The following APLF variants were observed in gnomAD, a reference collection of about 807,000 sequenced individuals.
APLF encodes aprataxin and PNKP like factor, also known as aprataxin and PNK-like factor.
A neutral mutation model predicts 55.6 loss-of-function variants in APLF; 61 were observed. That is an observed-to-expected ratio of 1.10 (90% CI 0.89 to 1.36). APLF has a LOEUF of 1.36. APLF is among the 40% of genes most tolerant of loss of function. APLF has a pLI of 0.00. For missense variants in APLF, 611 were observed against 602.5 expected (o/e 1.01, Z -0.15); for synonymous variants, 207 against 214.8 (o/e 0.96, Z 0.32).
chr2:68,548,809 A>C (rs746666471), intron 8 of APLF, among the ~76,000 whole-genome samples: 1 of 151,298 alleles, frequency 6.6e-6, no homozygotes, highest in Non-Finnish European at 1.5e-5. Context: ...AATGTAGAAT[A>C]AGTTCTAGTG....
intron 8 of APLF, among the ~76,000 whole-genome samples, chr2:68,546,412 G>A (rs972439770): frequency 1.3e-5 from 2 of 151,876 alleles, no homozygotes; most frequent in African/African-American, 4.8e-5. Flanking sequence ...CCCAATTCAT[G>A]ATGTGAGACC....
intron 6 of APLF, among the ~76,000 whole-genome samples, chr2:68,535,779 C>T (rs1166936841): frequency 1.3e-5 from 2 of 151,842 alleles, no homozygotes; most frequent in South Asian, 2.1e-4. Context: ...GTATGAAAAG[C>T]GATTGCCATC....
In APLF at chr2:68,513,341, T is replaced by G. The variant is rs1010856259; in HGVS notation, c.489+114T>G. On this transcript the variant is annotated intron_variant, in intron 4 of 9. Coordinates refer to ENST00000303795, the MANE Select transcript of APLF (RefSeq NM_173545.3). ...ACAATATTGCCAGCATTTATCTACT[T>G]TTGCTGATTTTAAGTTAAGCTCTAG... The G allele has an allele frequency of 3.8e-6, 5 of 1,328,394 alleles. No homozygotes were observed. The African/African-American group carries it at 7.4e-5, about 20-fold the overall frequency. 82.3% of individuals were successfully genotyped at this position (1,328,394 alleles called of 1,614,324 possible).
chr2:68,516,049 A>G (rs1669569310), intron 5 of APLF, among the ~76,000 whole-genome samples: 1 of 151,730 alleles, frequency 6.6e-6, no homozygotes, highest in Non-Finnish European at 1.5e-5. Flanking sequence ...TTAGGACCAT[A>G]ACTGTGGTTA....
At chr2:68,510,046 C>T (rs1489169807) in intron 3 of APLF, among the ~76,000 whole-genome samples, 3 of 133,508 alleles carry the variant, frequency 2.2e-5, no homozygotes, top group Non-Finnish European at 4.6e-5. Flanking sequence ...GGAAGGGGAA[C>T]ATCACACACC....
intron 5 of APLF, among the ~76,000 whole-genome samples, chr2:68,518,324 T>C (rs1168649764): frequency 1.5e-4 from 17 of 113,112 alleles, no homozygotes; most frequent in Non-Finnish European, 2.1e-4. Context: ...TAATAATATA[T>C]AATATATTAA....
intron 9 of APLF, among the ~76,000 whole-genome samples, chr2:68,577,059 A>G (rs1671646281): frequency 6.6e-6 from 1 of 152,184 alleles, no homozygotes; most frequent in Non-Finnish European, 1.5e-5. Flanking sequence ...AAATCTGTAA[A>G]TTCTAATGTC....
intron 8 of APLF, among the ~76,000 whole-genome samples, chr2:68,545,750 C>T (rs1670686551): frequency 6.6e-6 from 1 of 152,186 alleles, no homozygotes; most frequent in African/African-American, 2.4e-5. Flanking sequence ...CTTCTCCTCT[C>T]AGTTTTCATG....
intron 8 of APLF, among the ~76,000 whole-genome samples, chr2:68,552,332 A>G (rs1249788078): frequency 6.6e-6 from 1 of 152,126 alleles, no homozygotes; most frequent in African/African-American, 2.4e-5. Flanking sequence ...ATTTGTTTCC[A>G]GATGGTCATG....
chr2:68,479,760 T>C (rs530553918), intron 1 of APLF, among the ~76,000 whole-genome samples: 1 of 152,346 alleles, frequency 6.6e-6, no homozygotes, highest in Admixed American at 6.5e-5. Context: ...TCATGTATTT[T>C]CATAAAGTTA....
chr2:68,506,697 T>A (rs1676880802), intron 3 of APLF, among the ~76,000 whole-genome samples: 1 of 152,098 alleles, frequency 6.6e-6, no homozygotes, highest in Non-Finnish European at 1.5e-5. Context: ...TTTCCAGAGT[T>A]GATGCTCTTA....
chr2:68,565,032 A>T (rs1280964594), intron 8 of APLF, among the ~76,000 whole-genome samples: 2 of 152,118 alleles, frequency 1.3e-5, no homozygotes, highest in African/African-American at 4.8e-5. Context: ...AGTGCTTAAC[A>T]GTCACATACA....
chr2:68,476,398 G>A (rs1181342396), intron 1 of APLF, among the ~76,000 whole-genome samples: 3 of 148,234 alleles, frequency 2.0e-5, no homozygotes, highest in South Asian at 2.1e-4. Flanking sequence ...CAGGAAAATC[G>A]TTTGAACCTG....
intron 9 of APLF, among the ~76,000 whole-genome samples, chr2:68,570,121 T>G (rs1210423372): frequency 1.3e-5 from 2 of 152,036 alleles, no homozygotes; most frequent in Non-Finnish European, 2.9e-5. Context: ...TGCATTCTGT[T>G]TCTTGTAGGT....
intron 1 of APLF, among the ~76,000 whole-genome samples, chr2:68,473,080 T>C (rs927679732): frequency 6.6e-6 from 1 of 152,216 alleles, no homozygotes; most frequent in Non-Finnish European, 1.5e-5. Context: ...GTACATCTTA[T>C]GGGTTTTGAC....
At chr2:68,552,787 A>G (rs1350037015) in intron 8 of APLF, among the ~76,000 whole-genome samples, 2 of 152,186 alleles carry the variant, frequency 1.3e-5, no homozygotes, top group Non-Finnish European at 2.9e-5. Context: ...TCCAAAACCA[A>G]TTAGCTTACA....
rs367762480 is a variant in APLF, at chr2:68,535,758, T to A, written c.805-2114T>A. 5.3e-5 allele frequency among the ~76,000 whole-genome samples: 8 copies of A among 152,122 alleles called. No homozygotes were observed. In the South Asian group the frequency reaches 1.0e-3, roughly 20 times the overall value. On this transcript the variant is annotated intron_variant, in intron 6 of 9. Coordinates refer to ENST00000303795, the MANE Select transcript of APLF (RefSeq NM_173545.3). ...AAGAAACAGCCCTTTCCCTTTATGG[T>A]TTATTGAAAGGTATGAAAAGCGATT...
At chr2:68,571,355 A>C (rs1410127684) in intron 9 of APLF, among the ~76,000 whole-genome samples, 2 of 152,030 alleles carry the variant, frequency 1.3e-5, no homozygotes, top group Non-Finnish European at 2.9e-5. Context: ...TGTTTTAGAC[A>C]TGAAGTCCTT....
At chr2:68,515,674 A>G in intron 5 of APLF, 3 of 983,156 alleles carry the variant, frequency 3.1e-6, no homozygotes, top group Non-Finnish European at 3.6e-6. Context: ...GGAATATCGC[A>G]TGTGTACAAT....
Sources: gnomAD v4.1 joint callset for allele counts (sites outside exome capture counted in the v4.1 genomes callset) on GRCh38, gnomAD v4.1.1 for gene constraint, MANE v1.5 for transcripts, NCBI Gene and HGNC (gene_info 2026-07-23, HGNC 2026-07-21) for gene names.